Variants in SMG1 observed in about 807,000 individuals in gnomAD.
SMG1 encodes the protein serine/threonine-protein kinase SMG1.
Under a neutral mutation model 419.9 loss-of-function variants are expected in SMG1, and 22 were observed. The observed-to-expected ratio is 0.05, with a 90% CI of 0.04 to 0.07. The LOEUF is 0.07. Ranked by LOEUF, SMG1 falls within the 10% of genes least tolerant of loss-of-function variation. SMG1 has a pLI of 1.00. For missense variants in SMG1, 3,185 were observed against 4,342.0 expected (o/e 0.73, Z 7.49); for synonymous variants, 1,538 against 1,553.5 (o/e 0.99, Z 0.23).
chr16:18,925,272 C>A (rs1274192262), intron 1 of SMG1: 1 of 152,200 alleles, frequency 6.6e-6, no homozygotes, highest in Non-Finnish European at 1.5e-5. Flanking sequence ...CTCTAGACTT[C>A]TAAGTGGGTG....
chr16:18,895,145 T>A (rs533925094), intron 3 of SMG1, among the ~76,000 whole-genome samples: 1 of 152,140 alleles, frequency 6.6e-6, no homozygotes, highest in South Asian at 2.1e-4. Flanking sequence ...GGCACTCACC[T>A]ATACAGTGAG....
intron 22 of SMG1, among the ~76,000 whole-genome samples, chr16:18,867,700 CTTTTTTT>C (rs778044384): frequency 4.6e-5 from 4 of 87,882 alleles, no homozygotes; most frequent in Middle Eastern, 9.4e-3. Context: ...ATTTTAACTT[CTTTTTTT>C]TTTTTTTTTT....
intron 1 of SMG1, among the ~76,000 whole-genome samples, chr16:18,901,253 T>C (rs2037334502): frequency 2.6e-5 from 4 of 152,198 alleles, no homozygotes; most frequent in African/African-American, 9.6e-5. Context: ...AGACAGGGTC[T>C]CACTCTGTCA....
Position 18,833,061 on chromosome 16 carries a change from T to C in SMG1, c.8671A>G (p.Ile2891Val), listed in dbSNP as rs757295506. 1.2e-6 allele frequency: 2 copies of C among 1,613,946 alleles called. No homozygotes were observed. The highest frequency in any genetic ancestry group is 3.3e-5 in the Admixed American group (2 of 60,014). The change falls in exon 51 of 63, where the codon ATT (isoleucine) becomes GTT (valine). Residue 2891 changes from isoleucine to valine, a missense_variant. Coordinates refer to ENST00000446231, the MANE Select transcript of SMG1 (RefSeq NM_015092.5). ...ESMLHELDGLIEQTTDGVPLQ... is the reference protein window; with the variant it reads ...ESMLHELDGLVEQTTDGVPLQ... The stretch of plus-strand genomic sequence containing the variant: ...GGAACGCCATCGGTGGTCTGCTCAA[T>C]AAGACCGTCCAGTTCATGCAGCATA...
chr16:18,851,337 C>T (rs2034578009), intron 33 of SMG1, among the ~76,000 whole-genome samples: 2 of 152,126 alleles, frequency 1.3e-5, no homozygotes. Flanking sequence ...TTATACAGAT[C>T]ATCTAGTCCA....
At chr16:18,831,813 GAATA>G (rs59999671) in intron 51 of SMG1, among the ~76,000 whole-genome samples, 1 of 145,198 alleles carries the variant, frequency 6.9e-6, no homozygotes, top group African/African-American at 2.5e-5. Flanking sequence ...ACATATTTAT[GAATA>G]TATATGAATA....
intron 29 of SMG1, chr16:18,857,746 G>A (rs1000429518): frequency 2.0e-5 from 3 of 152,932 alleles, no homozygotes; most frequent in Non-Finnish European, 2.9e-5. Flanking sequence ...AGGATGAAGG[G>A]AGAAATAAAC....
intron 57 of SMG1, among the ~76,000 whole-genome samples, 173 bp downstream of exon 57, chr16:18,817,118 C>G (rs866560989): frequency 1.6e-3 from 136 of 87,556 alleles, no homozygotes; most frequent in Middle Eastern, 4.6e-3. Context: ...TGTTTCGGGG[C>G]GGGGGGGGGG....
At chr16:18,857,982 G>T (rs2035005876) in intron 29 of SMG1, 188 bp downstream of exon 29, 1 of 385,134 alleles carries the variant, frequency 2.6e-6, no homozygotes, top group Non-Finnish European at 4.8e-6. Flanking sequence ...ATGAGGAGAT[G>T]ATCCCAAGGG....
chr16:18,888,048 C>A (rs1315168144), intron 6 of SMG1, among the ~76,000 whole-genome samples: 1 of 151,028 alleles, frequency 6.6e-6, no homozygotes, highest in East Asian at 1.9e-4. Context: ...TCCTGTAATA[C>A]CAGCTACTCG....
chr16:18,913,033 C>A (rs1282553043), intron 1 of SMG1, among the ~76,000 whole-genome samples: 1 of 152,034 alleles, frequency 6.6e-6, no homozygotes, highest in Non-Finnish European at 1.5e-5. Flanking sequence ...TATTGGTGAT[C>A]ATCTCTGGAT....
chr16:18,814,674 A>T (rs2031822989), intron 60 of SMG1, among the ~76,000 whole-genome samples: 1 of 151,406 alleles, frequency 6.6e-6, no homozygotes, highest in Non-Finnish European at 1.5e-5. Flanking sequence ...TCCCGGGTTC[A>T]AGCAATTCTC....
Position 18,882,151 on chromosome 16 carries a change from C to A in SMG1, c.1293+14G>T. ...TATTTTTGAATGACACTTGAAATGC[C>A]CAAAAGCACTTACATCTGTTACATA... On this transcript the variant is annotated intron_variant, in intron 10 of 62. Coordinates refer to ENST00000446231, the MANE Select transcript of SMG1 (RefSeq NM_015092.5). 13 of 1,521,996 alleles carry A rather than the reference C, an allele frequency of 8.5e-6. No homozygotes were observed. Among genetic ancestry groups the A allele is most frequent in the Non-Finnish European group, 1.1e-5 (12 of 1,133,754 alleles). The allele number at this position is 1,521,996 out of a possible 1,614,324, so 94.3% of individuals were successfully genotyped here.
Position 18,809,395 on chromosome 16 carries a change from T to C in SMG1, c.*174A>G, listed in dbSNP as rs2031158362. 1 of 613,084 alleles carries C rather than the reference T, an allele frequency of 1.6e-6. No individual in the cohort carries two copies. Among genetic ancestry groups the C allele is most frequent in the Non-Finnish European group, 3.0e-6 (1 of 332,558 alleles). 38.0% of individuals were successfully genotyped at this position (613,084 alleles called of 1,614,324 possible). ...CCATGGTGTTGGGCGTATCCCTGAG[T>C]GCAGCTGTCCTGCGGGATTCACTTC... On this transcript the variant is annotated 3_prime_UTR_variant, in exon 63 of 63. Transcript: ENST00000446231.
chr16:18,875,435 A>G (rs1335913012), intron 13 of SMG1: 1 of 152,286 alleles, frequency 6.6e-6, no homozygotes, highest in Non-Finnish European at 1.5e-5. Context: ...TACTAAATAC[A>G]AAAAAATTAG....
At chr16:18,847,712 A>G in intron 37 of SMG1, 104 bp downstream of exon 37, 1 of 1,567,748 alleles carries the variant, frequency 6.4e-7, no homozygotes, top group East Asian at 2.3e-5. Flanking sequence ...GGTGCTCATT[A>G]TACAATTGGA....
intron 25 of SMG1, among the ~76,000 whole-genome samples, chr16:18,862,886 TAGGGCCAA>T: frequency 6.6e-6 from 1 of 152,358 alleles, no homozygotes; most frequent in East Asian, 1.9e-4. Context: ...ACATCAGGTC[TAGGGCCAA>T]AGGGCATCCT....
At chr16:18,895,010 G>C (rs549534259) in intron 3 of SMG1, among the ~76,000 whole-genome samples, 9 of 151,902 alleles carry the variant, frequency 5.9e-5, no homozygotes, top group African/African-American at 1.7e-4. Flanking sequence ...GTAGAGACAG[G>C]GTTTCACCGT....
At chr16:18,887,750 T>A (rs1170193442) in intron 6 of SMG1, among the ~76,000 whole-genome samples, 5 of 31,648 alleles carry the variant, frequency 1.6e-4, no homozygotes, top group African/African-American at 3.0e-4. Flanking sequence ...AAATAAAGCA[T>A]ATCAAAAACA....
Sources: allele counts gnomAD v4.1 joint callset (sites outside exome capture counted in the v4.1 genomes callset), GRCh38; gene constraint gnomAD v4.1.1; transcripts MANE v1.5; gene names NCBI Gene and HGNC (gene_info 2026-07-23, HGNC 2026-07-21).